NEK10: variants seen among roughly 807,000 people sequenced by gnomAD.
NEK10 encodes serine/threonine-protein kinase Nek10.
NEK10 carries 122 observed loss-of-function variants against 159.8 expected under a neutral mutation model. The ratio of observed to expected loss-of-function variants is 0.76; its 90% CI spans 0.66 to 0.89. The LOEUF is 0.89. NEK10 is among the 40% of genes least tolerant of loss of function. The pLI is 0.00. For missense variants in NEK10, 1,342 were observed against 1,323.1 expected, an observed-to-expected ratio of 1.01 and a Z score of -0.22; for synonymous variants, 466 against 457.1, an observed-to-expected ratio of 1.02 and a Z score of -0.25.
intron 22 of NEK10, among the ~76,000 whole-genome samples, chr3:27,282,556 ATATACATAACTGTGT>A (rs1486873023): frequency 6.1e-4 from 84 of 138,260 alleles, no homozygotes; most frequent in African/African-American, 1.2e-3. Flanking sequence ...ATATATATAT[ATATACATAACTGTGT>A]TATATATATA....
In NEK10 at chr3:27,162,551, C is replaced by G. The variant is rs1402420700; in HGVS notation, c.2869+150G>C. The G allele has an allele frequency of 3.1e-6, 5 of 1,614,064 alleles. No individual in the cohort carries two copies. The South Asian group carries it at 3.3e-5, about 11-fold the overall frequency. On this transcript the variant is annotated intron_variant, in intron 30 of 35. Coordinates refer to ENST00000691995, the MANE Select transcript of NEK10 (RefSeq NM_001394966.1). ...TCAGCCTCTATTTCCTTAATGTGGG[C>G]CCTGAGCATGTGGGGTGGCACTTTC...
At position 27,320,869 on chromosome 3, in the gene NEK10, A is replaced by G. The variant is rs145710497; in HGVS notation, c.447+1308T>C. ...GGCTCTGTGGCTGGTTGGTACCAAA[A>G]TACTTTCTCAAATGCCAAATATGGA... On this transcript the variant is annotated intron_variant, in intron 6 of 35. Coordinates refer to ENST00000691995, the MANE Select transcript of NEK10 (RefSeq NM_001394966.1). 2.9e-3 allele frequency among the ~76,000 whole-genome samples: 444 copies of G among 152,342 alleles called. 1 individual carries two copies. The highest frequency in any genetic ancestry group is 0.01 in the African/African-American group (426 of 41,578).
chr3:27,204,295 G>GTTTTTTT (rs1950306350), intron 23 of NEK10, among the ~76,000 whole-genome samples: 1 of 73,994 alleles, frequency 1.4e-5, no homozygotes, highest in African/African-American at 5.9e-5. Context: ...TTTTTTTTTT[G>GTTTTTTT]TTGTTGTTTT....
Position 27,198,484 on chromosome 3 carries a change from C to T in NEK10, c.2291+3026G>A, listed in dbSNP as rs371740608. Among the ~76,000 whole-genome samples, 6 of 152,188 alleles carry T rather than the reference C, an allele frequency of 3.9e-5. No homozygotes were observed. In the East Asian group the frequency reaches 7.7e-4, roughly 20 times the overall value. ...GAGAACCCAGAAATAAGGCTGCACA[C>T]GTACAACCACCATCTGATCTTCAAC... On this transcript the variant is annotated intron_variant, in intron 25 of 35. Transcript: ENST00000691995.
chr3:27,306,591 C>G (rs1220352602), intron 11 of NEK10, among the ~76,000 whole-genome samples: 1 of 152,110 alleles, frequency 6.6e-6, no homozygotes, highest in Non-Finnish European at 1.5e-5. Context: ...TTAAAATGTT[C>G]CCATGAGTCC....
At chr3:27,185,864 G>A (rs138345620) in intron 26 of NEK10, among the ~76,000 whole-genome samples, 157 of 152,296 alleles carry the variant, frequency 1.0e-3, no homozygotes, top group African/African-American at 3.4e-3. Context: ...AGACAAGAAA[G>A]TTGGATCTTG....
intron 22 of NEK10, among the ~76,000 whole-genome samples, chr3:27,258,605 A>G (rs1007049809): frequency 5.9e-5 from 9 of 152,102 alleles, no homozygotes; most frequent in Admixed American, 2.0e-4. Context: ...CATTTCCTTA[A>G]TCCAGTCTAT....
chr3:27,308,824 A>AT, intron 10 of NEK10, 102 bp downstream of exon 10: 1 of 482,946 alleles, frequency 2.1e-6, no homozygotes, highest in Non-Finnish European at 3.8e-6. Flanking sequence ...TTATCAAGAA[A>AT]TTGTATTAAG....
intron 23 of NEK10, among the ~76,000 whole-genome samples, chr3:27,227,781 T>G (rs1400123957): frequency 6.6e-6 from 1 of 152,228 alleles, no homozygotes; most frequent in Non-Finnish European, 1.5e-5. Context: ...AAAATGTTTT[T>G]CTAATTGTAC....
rs2044730319 is a variant in NEK10, at chr3:27,311,938, T to C, written c.568+161A>G. 1.2e-5 allele frequency: 7 copies of C among 603,142 alleles called. No homozygotes were observed. In the East Asian group the frequency reaches 1.5e-4, roughly 13 times the overall value. The allele number at this position is 603,142 out of a possible 1,614,324, so 37.4% of individuals were successfully genotyped here. A position where few individuals can be genotyped will look rare whatever the true frequency, so the allele number is the denominator to read the frequency against. ...TCTAAACATCTTTCTTCTGGCTGTA[T>C]GTTGCCACTGAATATAACAATTGGC... On this transcript the variant is annotated intron_variant, in intron 8 of 35. Coordinates refer to ENST00000691995, the MANE Select transcript of NEK10 (RefSeq NM_001394966.1).
At chr3:27,148,939 T>C (rs1448431057) in intron 30 of NEK10, among the ~76,000 whole-genome samples, 2 of 151,962 alleles carry the variant, frequency 1.3e-5, no homozygotes, top group African/African-American at 4.8e-5. Flanking sequence ...AAAATGACCA[T>C]GAAAAAAATC....
chr3:27,223,649 CA>C (rs558520013), intron 23 of NEK10, among the ~76,000 whole-genome samples: 85 of 152,198 alleles, frequency 5.6e-4, no homozygotes, highest in African/African-American at 2.0e-3. Flanking sequence ...TAAGTCACCC[CA>C]ACCTTCCTGT....
At chr3:27,304,696 C>A (rs9832064) in intron 12 of NEK10, 51 bp downstream of exon 12, 1 of 1,184,336 alleles carries the variant, frequency 8.4e-7, no homozygotes. Flanking sequence ...TCACAGAGTC[C>A]CCAGACTTCA....
chr3:27,184,094 G>T (rs1372573447), intron 26 of NEK10, among the ~76,000 whole-genome samples: 6 of 152,112 alleles, frequency 3.9e-5, no homozygotes, highest in Non-Finnish European at 7.4e-5. Flanking sequence ...TTATCTAAGA[G>T]AAAAAAGTTA....
At chr3:27,259,490 G>T (rs2040204343) in intron 22 of NEK10, among the ~76,000 whole-genome samples, 2 of 152,116 alleles carry the variant, frequency 1.3e-5, no homozygotes, top group South Asian at 2.1e-4. Context: ...TTTCCCCATT[G>T]CTTGTTTTTG....
At chr3:27,124,485 C>T (rs535892755) in intron 32 of NEK10, among the ~76,000 whole-genome samples, 1 of 152,254 alleles carries the variant, frequency 6.6e-6, no homozygotes, top group South Asian at 2.1e-4. Flanking sequence ...CCCTCTAAGG[C>T]AAGTATTACC....
At chr3:27,186,666 C>T (rs1005540652) in intron 26 of NEK10, among the ~76,000 whole-genome samples, 1 of 152,140 alleles carries the variant, frequency 6.6e-6, no homozygotes, top group Non-Finnish European at 1.5e-5. Flanking sequence ...AGAGCAGAGG[C>T]CTTGTCTATT....
At chr3:27,112,284 C>T (rs1939681482) in intron 35 of NEK10, among the ~76,000 whole-genome samples, 1 of 152,172 alleles carries the variant, frequency 6.6e-6, no homozygotes, top group Non-Finnish European at 1.5e-5. Context: ...TCTTCCTTAA[C>T]TAAATATAAA....
intron 11 of NEK10, among the ~76,000 whole-genome samples, chr3:27,305,217 T>A (rs1201770879): frequency 6.6e-6 from 1 of 152,156 alleles, no homozygotes; most frequent in South Asian, 2.1e-4. Context: ...AGACAACATA[T>A]AAAAATAAAT....
Sources: gnomAD v4.1 joint callset for allele counts (sites outside exome capture counted in the v4.1 genomes callset) on GRCh38, gnomAD v4.1.1 for gene constraint, MANE v1.5 for transcripts, NCBI Gene and HGNC (gene_info 2026-07-23, HGNC 2026-07-21) for gene names.